The following RNF111 variants were observed in gnomAD, a reference collection of about 807,000 sequenced individuals.
RNF111 encodes the protein ring finger protein 111.
Under a neutral mutation model 95.1 loss-of-function variants are expected in RNF111, and 17 were observed. The ratio of observed to expected loss-of-function variants is 0.18; its 90% CI spans 0.12 to 0.27. The LOEUF (loss-of-function observed/expected upper bound fraction) is 0.27. Ranked by LOEUF, RNF111 falls within the 10% of genes least tolerant of loss-of-function variation. The pLI is 1.00. For missense variants in RNF111, 1,189 were observed against 1,210.4 expected (o/e 0.98, Z 0.26); for synonymous variants, 440 against 414.8 (o/e 1.06, Z -0.74).
At chr15:58,989,124 G>A (rs770865510) in intron 1 of RNF111, among the ~76,000 whole-genome samples, 14 of 152,038 alleles carry the variant, frequency 9.2e-5, no homozygotes, top group Non-Finnish European at 2.1e-4. Context: ...CTTCTGTAAC[G>A]CTGGACTTAG....
chr15:59,011,185 G>C (rs1030033219), intron 1 of RNF111, among the ~76,000 whole-genome samples: 1 of 152,078 alleles, frequency 6.6e-6, no homozygotes, highest in African/African-American at 2.4e-5. Context: ...TCTGTTCTTC[G>C]AATTTCACTG....
intron 1 of RNF111, among the ~76,000 whole-genome samples, chr15:59,020,977 T>C (rs531677518): frequency 1.7e-4 from 26 of 152,236 alleles, no homozygotes; most frequent in Non-Finnish European, 2.8e-4. Flanking sequence ...CATGAATAAG[T>C]TCTTTAGTGG....
intron 2 of RNF111, among the ~76,000 whole-genome samples, chr15:59,049,889 G>A (rs962971986): frequency 7.4e-5 from 11 of 149,314 alleles, no homozygotes; most frequent in East Asian, 2.0e-4. Context: ...TTACAGGTGC[G>A]TGCCACCACA....
intron 1 of RNF111, among the ~76,000 whole-genome samples, chr15:59,012,266 G>A (rs2039861602): frequency 6.6e-6 from 1 of 151,962 alleles, no homozygotes; most frequent in Non-Finnish European, 1.5e-5. Flanking sequence ...TGGTCCACTT[G>A]CCTAGGCCTC....
At position 59,096,322 on chromosome 15, in the gene RNF111, A is replaced by G. The variant is rs1346285829; in HGVS notation, c.*1422A>G. 8 of 359,480 alleles carry G rather than the reference A, an allele frequency of 2.2e-5. No homozygotes were observed. The highest frequency in any genetic ancestry group is 1.7e-4 in the African/African-American group (8 of 47,806). The allele number at this position is 359,480 out of a possible 1,614,324, so 22.3% of individuals were successfully genotyped here. A position where few individuals can be genotyped will look rare whatever the true frequency, so the allele number is the denominator to read the frequency against. ...TCCAGTCAGTAATATCACTGTCTGT[A>G]TGTGGAGGACATGTTCCCATGGATC... On this transcript the variant is annotated 3_prime_UTR_variant, in exon 14 of 14. Transcript: ENST00000348370.
Position 59,033,704 on chromosome 15 carries a change from T to C in RNF111, c.880+2002T>C, listed in dbSNP as rs147871676. Among the ~76,000 whole-genome samples, 25 of 152,346 alleles carry C rather than the reference T, an allele frequency of 1.6e-4. No homozygotes were observed. The East Asian group carries it at 4.8e-3, about 29-fold the overall frequency. ...TCATTATCAGTGCCAGGGGTTCATATAGCCTCAAGTATTAAAGAGAAGTCC... is the reference window on the plus strand; with the variant it reads ...TCATTATCAGTGCCAGGGGTTCATACAGCCTCAAGTATTAAAGAGAAGTCC... On this transcript the variant is annotated intron_variant, in intron 2 of 13. Coordinates refer to ENST00000348370, the MANE Select transcript of RNF111 (RefSeq NM_017610.8).
chr15:59,031,851 A>G (rs2040925239), intron 2 of RNF111, 149 bp downstream of exon 2: 1 of 715,800 alleles, frequency 1.4e-6, no homozygotes, highest in East Asian at 2.7e-5. Flanking sequence ...CAATTGCAGT[A>G]TTAAACCATG....
At chr15:59,045,254 G>C (rs929018700) in intron 2 of RNF111, among the ~76,000 whole-genome samples, 3 of 150,312 alleles carry the variant, frequency 2.0e-5, no homozygotes, top group East Asian at 2.0e-4. Flanking sequence ...GCAGTGGCAC[G>C]ATCTTGGCTC....
At chr15:59,012,887 T>C (rs2039893301) in intron 1 of RNF111, among the ~76,000 whole-genome samples, 1 of 152,066 alleles carries the variant, frequency 6.6e-6, no homozygotes, top group Non-Finnish European at 1.5e-5. Context: ...TACAGGTGCC[T>C]GACACCACAC....
At chr15:59,034,442 TG>T (rs1167800846) in intron 2 of RNF111, among the ~76,000 whole-genome samples, 3 of 152,232 alleles carry the variant, frequency 2.0e-5, no homozygotes, top group African/African-American at 7.2e-5. Flanking sequence ...TAACACTGGT[TG>T]AGTGTTCACT....
rs60350601 is a variant in RNF111 at position 58,996,649 on chromosome 15, CT to C, written c.-20+8610del. On this transcript the variant is annotated intron_variant, in intron 1 of 13. Transcript: ENST00000348370. ...GTGATTGAAAACTCATCAGTACTTT[CT>C]TTTTTTTTTTTTTTTTTTTTTTTTT... Among the ~76,000 whole-genome samples, 16 of 100,768 alleles carry C rather than the reference CT, an allele frequency of 1.6e-4. No homozygotes were observed. In the South Asian group the frequency reaches 1.6e-3, roughly 10 times the overall value. The allele number at this position is 100,768 out of a possible 152,430, so 66.1% of individuals were successfully genotyped here. A position where few individuals can be genotyped will look rare whatever the true frequency, so the allele number is the denominator to read the frequency against.
chr15:59,003,572 T>A (rs561095565), intron 1 of RNF111, among the ~76,000 whole-genome samples: 102 of 150,826 alleles, frequency 6.8e-4, no homozygotes, highest in South Asian at 1.3e-3. Flanking sequence ...CTAATTTTTT[T>A]AAAATTTTTT....
Position 59,051,219 on chromosome 15 carries a change from T to C in RNF111, c.881-1086T>C, listed in dbSNP as rs374804226. On this transcript the variant is annotated intron_variant, in intron 2 of 13. Coordinates refer to ENST00000348370, the MANE Select transcript of RNF111 (RefSeq NM_017610.8). ...CTGTAATCCCAGCACTTTGGGAGGCTGAGGAGGGTGGATCATGAGGTCAGG... is the reference window on the plus strand; with the variant it reads ...CTGTAATCCCAGCACTTTGGGAGGCCGAGGAGGGTGGATCATGAGGTCAGG... Among the ~76,000 whole-genome samples the C allele has an allele frequency of 3.4e-4, 52 of 151,860 alleles. 1 individual carries two copies. In the East Asian group the frequency reaches 6.4e-3, roughly 19 times the overall value.
chr15:59,076,210 C>G lies in RNF111; in HGVS notation c.1943C>G (p.Pro648Arg). The G allele has an allele frequency of 1.2e-6, 2 of 1,613,060 alleles. No homozygotes were observed. Among genetic ancestry groups the G allele is most frequent in the Non-Finnish European group, 1.7e-6 (2 of 1,179,892 alleles). The change falls in exon 7 of 14, where the codon CCC becomes CGC. Residue 648 changes from proline to arginine, a missense_variant. Transcript: ENST00000348370. ...SLSSCRHYMP[P>R]PYASLTRPLH... ...TCATCATGTCGACATTACATGCCACCCCCTTGTAAGTATATACTTAGTGGA... is the reference window on the plus strand; with the variant it reads ...TCATCATGTCGACATTACATGCCACGCCCTTGTAAGTATATACTTAGTGGA...
At chr15:59,049,571 T>G (rs1210431902) in intron 2 of RNF111, 11 of 164,120 alleles carry the variant, frequency 6.7e-5, no homozygotes, top group Non-Finnish European at 1.5e-4. Context: ...TGGGAAGCCA[T>G]CTCAGCTGTA....
At chr15:59,085,955 G>A (rs1250155776) in intron 10 of RNF111, among the ~76,000 whole-genome samples, 170 bp downstream of exon 10, 7 of 152,038 alleles carry the variant, frequency 4.6e-5, no homozygotes, top group Admixed American at 6.6e-5. Context: ...AAATCTGCAC[G>A]TATAATTTGC....
intron 2 of RNF111, among the ~76,000 whole-genome samples, chr15:59,041,294 G>A (rs2041437672): frequency 6.6e-6 from 1 of 152,036 alleles, no homozygotes; most frequent in South Asian, 2.1e-4. Flanking sequence ...AGTGGCTCAC[G>A]CCTGTAATCC....
intron 1 of RNF111, among the ~76,000 whole-genome samples, chr15:59,007,273 T>G (rs2039584201): frequency 6.6e-6 from 1 of 152,124 alleles, no homozygotes; most frequent in African/African-American, 2.4e-5. Flanking sequence ...TTCAATTTTT[T>G]TTTTTTTTTT....
intron 1 of RNF111, among the ~76,000 whole-genome samples, chr15:59,023,980 T>C (rs1302688837): frequency 6.6e-6 from 1 of 152,204 alleles, no homozygotes; most frequent in Non-Finnish European, 1.5e-5. Context: ...AAGTAGCATG[T>C]AGATCAGTTT....
Sources: allele counts gnomAD v4.1 joint callset (sites outside exome capture counted in the v4.1 genomes callset), GRCh38; gene constraint gnomAD v4.1.1; transcripts MANE v1.5; gene names NCBI Gene and HGNC (gene_info 2026-07-23, HGNC 2026-07-21).